RPS6KC1: variants seen among roughly 807,000 people sequenced by gnomAD.
RPS6KC1 encodes ribosomal protein S6 kinase C1.
Under a neutral mutation model 103.8 loss-of-function variants are expected in RPS6KC1, and 54 were observed. The observed-to-expected ratio is 0.52, with a 90% confidence interval of 0.42 to 0.65. The LOEUF is 0.65. Among genes scored for constraint, RPS6KC1 ranks in the 30% least tolerant of loss-of-function variants. The pLI, the probability that RPS6KC1 is intolerant of heterozygous loss-of-function variation, is 0.00. For synonymous variants in RPS6KC1, 439 were observed against 438.7 expected (o/e 1.00, Z -0.01); for missense variants, 1,151 against 1,253.8 (o/e 0.92, Z 1.24).
At chr1:213,529,377 C>T in the RPS6KC1 span, among the ~76,000 whole-genome samples, 1 of 152,098 alleles carries the variant, frequency 6.6e-6, no homozygotes, top group South Asian at 2.1e-4. Context: ...GCAAGGAGAG[C>T]AGGATGCAGG....
chr1:213,217,311 G>A (rs1260016276), intron 8 of RPS6KC1, among the ~76,000 whole-genome samples: 4 of 152,038 alleles, frequency 2.6e-5, no homozygotes, highest in African/African-American at 7.3e-5. Context: ...ACCCTCCCAA[G>A]ACTAAACCAG....
At chr1:213,664,193 G>GGGGGT in the RPS6KC1 span, among the ~76,000 whole-genome samples, 2 of 80,334 alleles carry the variant, frequency 2.5e-5, no homozygotes, top group Admixed American at 1.5e-4. Flanking sequence ...AGAAATGAGC[G>GGGGGT]GGGGGGCGGG....
chr1:213,532,068 C>T, the RPS6KC1 span, among the ~76,000 whole-genome samples: 2 of 152,194 alleles, frequency 1.3e-5, no homozygotes, highest in African/African-American at 4.8e-5. Context: ...CCTGGCATGC[C>T]AGGGCTAGCA....
the RPS6KC1 span, among the ~76,000 whole-genome samples, chr1:213,340,670 C>G: frequency 1.3e-5 from 2 of 152,240 alleles, no homozygotes; most frequent in African/African-American, 4.8e-5. Flanking sequence ...TCCTCTCCCC[C>G]GCCTCCCTTC....
At chr1:213,811,091 T>TTA in the RPS6KC1 span, among the ~76,000 whole-genome samples, 3 of 152,272 alleles carry the variant, frequency 2.0e-5, no homozygotes, top group Middle Eastern at 3.4e-3. Flanking sequence ...TTGTGGTTAT[T>TTA]TATAGCACTC....
the RPS6KC1 span, among the ~76,000 whole-genome samples, chr1:213,607,791 T>C: frequency 0.016 from 2,465 of 151,958 alleles, 66 homozygotes; most frequent in African/African-American, 0.056. Flanking sequence ...TGAGTGCGTG[T>C]TGGGGATTGG....
the RPS6KC1 span, among the ~76,000 whole-genome samples, chr1:213,411,525 A>C: frequency 6.6e-6 from 1 of 152,200 alleles, no homozygotes; most frequent in Non-Finnish European, 1.5e-5. Context: ...GGGATTCTCA[A>C]GGCTTTCTGA....
the RPS6KC1 span, among the ~76,000 whole-genome samples, chr1:213,854,548 CTTTCTTTCTT>C: frequency 9.3e-6 from 1 of 107,974 alleles, no homozygotes; most frequent in African/African-American, 4.2e-5. Context: ...TTCTTTCTTT[CTTTCTTTCTT>C]TCTTTCTCTC....
chr1:213,181,135 A>G (rs2148357565), intron 8 of RPS6KC1, among the ~76,000 whole-genome samples: 1 of 152,318 alleles, frequency 6.6e-6, no homozygotes, highest in East Asian at 1.9e-4. Flanking sequence ...AGAGTATACT[A>G]AGATTTGATT....
At chr1:213,671,384 G>T in the RPS6KC1 span, among the ~76,000 whole-genome samples, 1 of 152,172 alleles carries the variant, frequency 6.6e-6, no homozygotes, top group Non-Finnish European at 1.5e-5. Context: ...GGAGGTGGAG[G>T]GGAACGGGGA....
chr1:213,284,707 A>G, the RPS6KC1 span, among the ~76,000 whole-genome samples: 2 of 152,138 alleles, frequency 1.3e-5, no homozygotes, highest in East Asian at 3.8e-4. Context: ...ACTAATAAAA[A>G]CTAATTCAAG....
chr1:213,742,249 A>G, the RPS6KC1 span, among the ~76,000 whole-genome samples: 1 of 152,362 alleles, frequency 6.6e-6, no homozygotes, highest in East Asian at 1.9e-4. Context: ...TCTGGTGGGT[A>G]TAATCGTGTA....
intron 12 of RPS6KC1, among the ~76,000 whole-genome samples, 197 bp from the exon 13 acceptor site, chr1:213,261,361 A>T (rs990549903): frequency 6.6e-6 from 1 of 151,994 alleles, no homozygotes; most frequent in Non-Finnish European, 1.5e-5. Flanking sequence ...TTAATATATG[A>T]CTGCATCAAA....
the RPS6KC1 span, among the ~76,000 whole-genome samples, chr1:213,796,619 G>A: frequency 3.9e-5 from 6 of 152,106 alleles, no homozygotes; most frequent in African/African-American, 7.2e-5. Flanking sequence ...ACAGTCACAG[G>A]CGAATCTTGT....
intron 8 of RPS6KC1, among the ~76,000 whole-genome samples, chr1:213,206,052 A>G (rs2093341142): frequency 6.6e-6 from 1 of 152,168 alleles, no homozygotes; most frequent in Non-Finnish European, 1.5e-5. Flanking sequence ...TATACAGTGC[A>G]TTCTGTACTT....
chr1:213,776,642 G>A, the RPS6KC1 span, among the ~76,000 whole-genome samples: 2 of 152,144 alleles, frequency 1.3e-5, no homozygotes, highest in African/African-American at 4.8e-5. Context: ...TTTTTAGAAT[G>A]GTCATTGAAC....
the RPS6KC1 span, among the ~76,000 whole-genome samples, chr1:213,580,274 G>A: frequency 2.0e-5 from 3 of 152,062 alleles, no homozygotes; most frequent in East Asian, 5.8e-4. Context: ...GGAAGTAGCT[G>A]CAGATATGGT....
the RPS6KC1 span, among the ~76,000 whole-genome samples, chr1:213,626,844 TGAAGCCAG>T: frequency 6.6e-6 from 1 of 152,208 alleles, no homozygotes; most frequent in African/African-American, 2.4e-5. Context: ...GTAGTATGGT[TGAAGCCAG>T]GTAGCGTGAT....
chr1:213,842,679 T>A, the RPS6KC1 span, among the ~76,000 whole-genome samples: 2 of 152,168 alleles, frequency 1.3e-5, no homozygotes, highest in African/African-American at 4.8e-5. Flanking sequence ...TATCTTGGAT[T>A]TTTTTCTAGC....
Sources: allele counts gnomAD v4.1 joint callset (sites outside exome capture counted in the v4.1 genomes callset), GRCh38; gene constraint gnomAD v4.1.1; transcripts MANE v1.5; gene names NCBI Gene and HGNC (gene_info 2026-07-23, HGNC 2026-07-21).